The following SNAP91 variants were observed in gnomAD, a reference collection of about 807,000 sequenced individuals.
SNAP91 encodes the protein clathrin coat assembly protein AP180.
A neutral mutation model predicts 100.3 loss-of-function variants in SNAP91; 27 were observed. The ratio of observed to expected loss-of-function variants is 0.27; its 90% confidence interval spans 0.20 to 0.37. The LOEUF (loss-of-function observed/expected upper bound fraction) is 0.37, where lower values mean the gene tolerates loss of function less well. SNAP91 is among the 10% of genes least tolerant of loss of function. The pLI, the probability that SNAP91 is intolerant of heterozygous loss-of-function variation, is 1.00. For synonymous variants in SNAP91, 404 were observed against 398.6 expected, an observed-to-expected ratio of 1.01 and a Z score of -0.16; for missense variants, 986 against 1,123.7, an observed-to-expected ratio of 0.88 and a Z score of 1.75.
intron 7 of SNAP91, among the ~76,000 whole-genome samples, chr6:83,656,444 C>T (rs547291591): frequency 6.6e-6 from 1 of 152,168 alleles, no homozygotes; most frequent in Admixed American, 6.5e-5. Flanking sequence ...CAACACTGAG[C>T]TTTCATCATA....
In SNAP91 at chr6:83,707,917, T is replaced by C. The variant is rs17855722; in HGVS notation, c.11A>G (p.Gln4Arg). 26 of 1,585,780 alleles carry C rather than the reference T, an allele frequency of 1.6e-5. No homozygotes were observed. Among genetic ancestry groups the C allele is most frequent in the Non-Finnish European group, 2.2e-5 (26 of 1,170,828 alleles). The change falls in exon 2 of 30, where the codon CAA (glutamine) becomes CGA (arginine). Residue 4 changes from glutamine to arginine, a missense_variant. Around this residue, in one of 4 missense-constraint regions of SNAP91, gnomAD observed 330 missense variants for 447.5 expected, o/e 0.74. Coordinates refer to ENST00000369694, the MANE Select transcript of SNAP91 (RefSeq NM_001242792.2). Reference protein sequence around the residue: MSGQTLTDRIAAAQ... With the variant: MSGRTLTDRIAAAQ... Reference sequence around the variant, plus strand: ...GGCGGCGATCCGATCCGTGAGCGTTTGGCCCGACATCTTCTGTGGTCGCGT... The same window carrying C: ...GGCGGCGATCCGATCCGTGAGCGTTCGGCCCGACATCTTCTGTGGTCGCGT...
intron 20 of SNAP91, 76 bp from the exon 21 acceptor site, chr6:83,592,614 T>A: frequency 3.4e-6 from 4 of 1,186,954 alleles, no homozygotes; most frequent in Middle Eastern, 1.9e-4. Context: ...ACAAATGGCA[T>A]CTTGGGATTT....
Position 83,641,146 on chromosome 6 carries a change from G to A in SNAP91, c.715C>T (p.Arg239Ter), listed in dbSNP as rs2097684212. ...ACTCGTGTCATTCTAGTTAGAAATC[G>A]TTTGTAAATTTCTAGAGCATCTTTA... ...QCKDALEIYK[R>*]FLTRMTRVSE... Residue 239 changes from arginine (R) to a stop codon, truncating the protein, a stop_gained, in exon 8 of 30, where the codon CGA (arginine) becomes TGA (stop). Coordinates refer to ENST00000369694, the MANE Select transcript of SNAP91 (RefSeq NM_001242792.2). LOFTEE classifies it high-confidence loss of function. The A allele has an allele frequency of 1.9e-6, 3 of 1,545,478 alleles. No individual in the cohort carries two copies. The highest frequency in any genetic ancestry group is 2.6e-6 in the Non-Finnish European group (3 of 1,147,330).
intron 26 of SNAP91, among the ~76,000 whole-genome samples, chr6:83,562,093 G>A (rs1244085990): frequency 1.3e-5 from 2 of 152,044 alleles, no homozygotes; most frequent in South Asian, 2.1e-4. Flanking sequence ...TATCTTCATT[G>A]GTGAATTCTA....
intron 2 of SNAP91, chr6:83,690,377 C>G (rs1323219725): frequency 7.8e-7 from 1 of 1,288,388 alleles, no homozygotes; most frequent in East Asian, 5.6e-5. Context: ...TCAAAAGATG[C>G]TGGAACATAC....
rs1344612948 is a variant in SNAP91, at chr6:83,641,241, T to C, written c.659-39A>G. 4.4e-6 allele frequency: 4 copies of C among 904,478 alleles called. No homozygotes were observed. The African/African-American group carries it at 5.3e-5, about 12-fold the overall frequency. 56.0% of individuals were successfully genotyped at this position (904,478 alleles called of 1,614,324 possible). On this transcript the variant is annotated intron_variant, in intron 7 of 29. Transcript: ENST00000369694. ...AGAGATAAGCAATTTGAAAAGAGTA[T>C]TATGTTCTATTTTTTTCTAAGCTTA...
intron 2 of SNAP91, chr6:83,678,877 T>C: frequency 8.2e-7 from 1 of 1,220,648 alleles, no homozygotes; most frequent in Non-Finnish European, 1.0e-6. Flanking sequence ...AATACAACTT[T>C]AGTTCTCAGT....
At chr6:83,667,077 G>A (rs966300112) in intron 2 of SNAP91, among the ~76,000 whole-genome samples, 1 of 152,052 alleles carries the variant, frequency 6.6e-6, no homozygotes, top group Non-Finnish European at 1.5e-5. Flanking sequence ...ACATTGGAAG[G>A]TGTAAATAAC....
chr6:83,557,448 A>T (rs1780451734), intron 28 of SNAP91, among the ~76,000 whole-genome samples: 1 of 151,996 alleles, frequency 6.6e-6, no homozygotes, highest in Non-Finnish European at 1.5e-5. Flanking sequence ...CAGGAGGATC[A>T]CTTGAGGCCA....
intron 16 of SNAP91, among the ~76,000 whole-genome samples, chr6:83,599,388 T>C (rs2094898961): frequency 6.6e-6 from 1 of 152,186 alleles, no homozygotes; most frequent in Non-Finnish European, 1.5e-5. Flanking sequence ...ATCCTGTCCA[T>C]ATTTTCCTTA....
chr6:83,609,215 T>C (rs1414291396), intron 12 of SNAP91, among the ~76,000 whole-genome samples: 1 of 151,878 alleles, frequency 6.6e-6, no homozygotes, highest in African/African-American at 2.4e-5. Context: ...TAATCTGTTA[T>C]TACAAAAAGA....
chr6:83,704,038 TG>T (rs1355559230), intron 2 of SNAP91, among the ~76,000 whole-genome samples: 1 of 152,222 alleles, frequency 6.6e-6, no homozygotes, highest in East Asian at 1.9e-4. Flanking sequence ...GACACAATAC[TG>T]GGTAGGTACT....
At chr6:83,607,886 T>A (rs867095198) in intron 12 of SNAP91, 78 bp from the exon 13 acceptor site, 1 of 727,920 alleles carries the variant, frequency 1.4e-6, no homozygotes, top group Admixed American at 3.6e-5. Context: ...TTTCTTTGTA[T>A]AACCATGACA....
intron 2 of SNAP91, among the ~76,000 whole-genome samples, chr6:83,680,190 C>T (rs1163301369): frequency 6.6e-6 from 1 of 152,070 alleles, no homozygotes; most frequent in Admixed American, 6.6e-5. Context: ...ACTTCCCCCC[C>T]ATTCATACCT....
chr6:83,600,585 A>G (rs1182991930), intron 16 of SNAP91, among the ~76,000 whole-genome samples: 2 of 152,204 alleles, frequency 1.3e-5, no homozygotes, highest in Non-Finnish European at 2.9e-5. Flanking sequence ...AGGTCCAGGC[A>G]TATTATAGTG....
At chr6:83,620,866 C>T (rs910331549) in intron 9 of SNAP91, among the ~76,000 whole-genome samples, 3 of 151,992 alleles carry the variant, frequency 2.0e-5, no homozygotes, top group Non-Finnish European at 4.4e-5. Flanking sequence ...CACCCACCAC[C>T]GCGCCCGGCT....
chr6:83,701,411 C>T (rs1167615505), intron 2 of SNAP91, among the ~76,000 whole-genome samples: 13 of 151,732 alleles, frequency 8.6e-5, no homozygotes, highest in Non-Finnish European at 1.5e-5. Flanking sequence ...TAGCTTCTCT[C>T]TCTCCTGAGT....
chr6:83,647,786 C>A (rs1161074774), intron 7 of SNAP91, among the ~76,000 whole-genome samples: 1 of 151,970 alleles, frequency 6.6e-6, no homozygotes, highest in Non-Finnish European at 1.5e-5. Context: ...CATGTCAGTC[C>A]ATTTTCTGCT....
intron 2 of SNAP91, among the ~76,000 whole-genome samples, chr6:83,671,543 A>G (rs778718524): frequency 8.5e-5 from 13 of 152,072 alleles, no homozygotes; most frequent in Non-Finnish European, 1.6e-4. Context: ...AATAAAGACA[A>G]TCTCACTCTG....
Sources: allele counts gnomAD v4.1 joint callset (sites outside exome capture counted in the v4.1 genomes callset), GRCh38; gene constraint gnomAD v4.1.1; regional missense constraint gnomAD v4.1.1; transcripts MANE v1.5; gene names NCBI Gene and HGNC (gene_info 2026-07-23, HGNC 2026-07-21).